Variants in ACOT12 observed in about 807,000 individuals in gnomAD.
ACOT12 encodes the protein acetyl-coenzyme A thioesterase.
In ACOT12, 51 loss-of-function variants were observed where a neutral mutation model predicts 67.7. The observed-to-expected ratio is 0.75, with a 90% CI of 0.60 to 0.95. The LOEUF (loss-of-function observed/expected upper bound fraction) is 0.95, where lower values mean the gene tolerates loss of function less well. Ranked by LOEUF, ACOT12 falls within the 40% of genes least tolerant of loss-of-function variation. The pLI is 0.00. For synonymous variants in ACOT12, 251 were observed against 244.6 expected, an observed-to-expected ratio of 1.03 and a Z score of -0.24; for missense variants, 734 against 708.1, an observed-to-expected ratio of 1.04 and a Z score of -0.41.
chr5:81,384,711 C>T (rs576986787), intron 2 of ACOT12, among the ~76,000 whole-genome samples: 3 of 152,194 alleles, frequency 2.0e-5, no homozygotes, highest in East Asian at 3.9e-4. Flanking sequence ...GAACATATCC[C>T]GTCATTAAGT....
At chr5:81,390,357 C>A (rs1319161537) in intron 1 of ACOT12, among the ~76,000 whole-genome samples, 1 of 151,366 alleles carries the variant, frequency 6.6e-6, no homozygotes, top group Non-Finnish European at 1.5e-5. Context: ...TCAGCCATGT[C>A]CATTCTGCTG....
chr5:81,378,606 C>T (rs1390128277), intron 2 of ACOT12, among the ~76,000 whole-genome samples: 2 of 152,036 alleles, frequency 1.3e-5, no homozygotes, highest in East Asian at 1.9e-4. Context: ...GGGCTAATAT[C>T]GAGAATCTAC....
intron 1 of ACOT12, among the ~76,000 whole-genome samples, chr5:81,386,501 T>C (rs1490970019): frequency 6.7e-6 from 1 of 149,468 alleles, no homozygotes; most frequent in Non-Finnish European, 1.5e-5. Flanking sequence ...TTTGCTCAGA[T>C]TTTTTTTTTA....
chr5:81,363,078 T>G lies in ACOT12; in HGVS notation c.360+710A>C, dbSNP rs369486257. On this transcript the variant is annotated intron_variant, in intron 4 of 14. Transcript: ENST00000307624. ...GAAGCCACTGTGTCTAGCTCTGGGA[T>G]GATCCTTGGAGTGAAAGACTCATAT... Among the ~76,000 whole-genome samples, 54 of 152,182 alleles carry G rather than the reference T, an allele frequency of 3.5e-4. No homozygotes were observed. The East Asian group carries it at 7.6e-3, about 21-fold the overall frequency.
chr5:81,359,959 C>G lies in ACOT12; in HGVS notation c.440G>C (p.Arg147Pro). 6.2e-7 allele frequency: 1 copy of G among 1,612,538 alleles called. No individual in the cohort carries two copies. The highest frequency in any genetic ancestry group is 8.5e-7 in the Non-Finnish European group (1 of 1,179,600). The change falls in exon 5 of 15, where the codon CGA (arginine) becomes CCA (proline). Residue 147 changes from arginine (R) to proline (P), a missense_variant. Arg to Pro is a moderately radical substitution (Grantham distance 103). Transcript: ENST00000307624. The part of the protein sequence containing the change: ...HNLAAERRKV[R>P]LQHEDTFNNL... ...GTTAAAGGTATCTTCATGTTGTAATCGAACTTTCCTTCTCTCAGCAGCCAG... is the reference window on the plus strand; with the variant it reads ...GTTAAAGGTATCTTCATGTTGTAATGGAACTTTCCTTCTCTCAGCAGCCAG...
At chr5:81,309,248 G>A in the ACOT12 span, 1 of 427,848 alleles carries the variant, frequency 2.3e-6, no homozygotes, top group South Asian at 5.6e-5. Context: ...AAAAACTAAG[G>A]TGTATATTTC....
At chr5:81,381,705 T>G (rs1477988395) in intron 2 of ACOT12, among the ~76,000 whole-genome samples, 2 of 152,148 alleles carry the variant, frequency 1.3e-5, no homozygotes, top group Non-Finnish European at 2.9e-5. Context: ...GGAGCCAGTT[T>G]CCCCAGGGTG....
At chr5:81,378,903 A>G (rs1311608574) in intron 2 of ACOT12, among the ~76,000 whole-genome samples, 1 of 152,208 alleles carries the variant, frequency 6.6e-6, no homozygotes, top group Admixed American at 6.5e-5. Context: ...TAGTTCAACC[A>G]TTGTGGAAGA....
At chr5:81,366,054 G>A (rs548233850) in intron 3 of ACOT12, among the ~76,000 whole-genome samples, 13 of 152,288 alleles carry the variant, frequency 8.5e-5, no homozygotes, top group Non-Finnish European at 1.3e-4. Context: ...GATCTTTTGA[G>A]TTCTCTCCAG....
the ACOT12 span, among the ~76,000 whole-genome samples, chr5:81,323,644 G>A: frequency 6.6e-6 from 1 of 152,110 alleles, no homozygotes; most frequent in South Asian, 2.1e-4. Context: ...ATCATCTAAT[G>A]TACCACGCAG....
chr5:81,383,468 T>C (rs955616870), intron 2 of ACOT12, among the ~76,000 whole-genome samples: 10 of 152,358 alleles, frequency 6.6e-5, no homozygotes, highest in South Asian at 2.1e-4. Flanking sequence ...TAATCAAGGC[T>C]ACAGTGGATG....
At chr5:81,360,257 A>T (rs1759863916) in intron 4 of ACOT12, among the ~76,000 whole-genome samples, 1 of 152,198 alleles carries the variant, frequency 6.6e-6, no homozygotes, top group Non-Finnish European at 1.5e-5. Flanking sequence ...ATGCAATAAG[A>T]TATGTGCTTT....
chr5:81,347,658 C>A, intron 6 of ACOT12, 116 bp downstream of exon 6: 1 of 1,157,302 alleles, frequency 8.6e-7, no homozygotes, highest in Non-Finnish European at 1.2e-6. Context: ...TAAAAGGCAA[C>A]ATTTTCCTCA....
intron 1 of ACOT12, among the ~76,000 whole-genome samples, chr5:81,386,803 C>T (rs1240238291): frequency 6.6e-6 from 1 of 151,972 alleles, no homozygotes; most frequent in Non-Finnish European, 1.5e-5. Flanking sequence ...GAGAGATACC[C>T]CACTGCGCAC....
At chr5:81,367,471 C>T (rs1212685961) in intron 3 of ACOT12, among the ~76,000 whole-genome samples, 1 of 152,002 alleles carries the variant, frequency 6.6e-6, no homozygotes, top group Non-Finnish European at 1.5e-5. Context: ...GGTTATTACA[C>T]TATACTCAAA....
At chr5:81,345,846 G>T in intron 7 of ACOT12, 39 bp downstream of exon 7, 2 of 1,610,518 alleles carry the variant, frequency 1.2e-6, no homozygotes, top group Non-Finnish European at 1.7e-6. Context: ...ATTTGTGCAA[G>T]TTTAAATTTC....
chr5:81,326,114 A>G (rs1297780919), downstream of ACOT12, among the ~76,000 whole-genome samples: 4 of 110,290 alleles, frequency 3.6e-5, no homozygotes, highest in African/African-American at 1.4e-4. Context: ...CAGCCCTGAG[A>G]TTCTTTTTTT....
intron 5 of ACOT12, among the ~76,000 whole-genome samples, chr5:81,349,706 T>C (rs556240378): frequency 5.3e-5 from 8 of 152,326 alleles, no homozygotes; most frequent in Non-Finnish European, 1.2e-4. Context: ...GCAGGGACTA[T>C]GGATTTTTAA....
chr5:81,330,798 G>A lies in ACOT12; in HGVS notation c.1518+16C>T, dbSNP rs1277397835. 24 of 1,609,336 alleles carry A rather than the reference G, an allele frequency of 1.5e-5. No homozygotes were observed. Among genetic ancestry groups the A allele is most frequent in the African/African-American group, 2.7e-5 (2 of 74,556 alleles). ...TGGCAGAGCCAATTAATCTGCAGAT[G>A]TTTCATCAAACTTACGATGCATGAA... On this transcript the variant is annotated intron_variant, in intron 14 of 14. Coordinates refer to ENST00000307624, the MANE Select transcript of ACOT12 (RefSeq NM_130767.3).
Sources: gnomAD v4.1 joint callset for allele counts (sites outside exome capture counted in the v4.1 genomes callset) on GRCh38, gnomAD v4.1.1 for gene constraint, MANE v1.5 for transcripts, NCBI Gene and HGNC (gene_info 2026-07-23, HGNC 2026-07-21) for gene names.